The following TRPC7 variants were observed in gnomAD, a reference collection of about 807,000 sequenced individuals.
The protein encoded by TRPC7 is transient receptor potential cation channel subfamily C member 7, also known as short transient receptor potential channel 7.
Under a neutral mutation model 90.1 loss-of-function variants are expected in TRPC7, and 42 were observed. The observed-to-expected ratio is 0.47, with a 90% confidence interval of 0.36 to 0.60. TRPC7 has a LOEUF of 0.60. Ranked by LOEUF, TRPC7 falls within the 20% of genes least tolerant of loss-of-function variation. TRPC7 has a pLI of 0.00. For missense variants in TRPC7, 955 were observed against 1,112.3 expected (o/e 0.86, Z 2.01); for synonymous variants, 451 against 436.3 (o/e 1.03, Z -0.42).
rs542463530 is a variant in TRPC7 at position 136,330,731 on chromosome 5, G to C, written c.781-14952C>G. Among the ~76,000 whole-genome samples, 23 of 152,336 alleles carry C rather than the reference G, an allele frequency of 1.5e-4. No individual in the cohort carries two copies. The South Asian group carries it at 3.1e-3, about 21-fold the overall frequency. On this transcript the variant is annotated intron_variant, in intron 2 of 11. Coordinates refer to ENST00000513104, the MANE Select transcript of TRPC7 (RefSeq NM_020389.3). ...GCTCTGGGAGCTGAGTCCACCCCAC[G>C]CTAAGTCACCAGCAGGTGTGTGGCA...
intron 3 of TRPC7, among the ~76,000 whole-genome samples, chr5:136,287,025 T>G (rs1757741084): frequency 6.6e-6 from 1 of 152,180 alleles, no homozygotes; most frequent in African/African-American, 2.4e-5. Flanking sequence ...CACAAATCTG[T>G]TCTGTGTCTT....
intron 1 of TRPC7, among the ~76,000 whole-genome samples, chr5:136,364,496 G>T (rs935413024): frequency 6.6e-5 from 10 of 152,128 alleles, no homozygotes; most frequent in African/African-American, 1.9e-4. Flanking sequence ...CCACCAGCAG[G>T]TGGCATTCTG....
At position 136,241,520 on chromosome 5, in the gene TRPC7, T is replaced by TCA. The variant is rs532375409; in HGVS notation, c.1844+5949_1844+5950dup. Among the ~76,000 whole-genome samples the TCA allele has an allele frequency of 3.2e-3, 479 of 151,690 alleles. 6 individuals are homozygous for TCA. The highest frequency in any genetic ancestry group is 7.5e-3 in the South Asian group (36 of 4,812). On this transcript the variant is annotated intron_variant, in intron 7 of 11. Transcript: ENST00000513104. ...TCTCTGTGTAGCTGTCCCATCACAG[T>TCA]CACCAGCTAGGGTGTGAGAAAGGCA...
intron 2 of TRPC7, among the ~76,000 whole-genome samples, chr5:136,319,152 C>T (rs1474771843): frequency 6.6e-6 from 1 of 152,154 alleles, no homozygotes; most frequent in Non-Finnish European, 1.5e-5. Context: ...TTCCTCAGTC[C>T]TCTAATATCT....
chr5:136,331,891 A>G (rs187381164), intron 2 of TRPC7, among the ~76,000 whole-genome samples: 80 of 152,298 alleles, frequency 5.3e-4, no homozygotes, highest in Non-Finnish European at 1.0e-3. Flanking sequence ...AGATACAACC[A>G]TGAGCAGAAT....
chr5:136,285,159 TCG>T (rs1757670723), intron 3 of TRPC7, among the ~76,000 whole-genome samples: 1 of 152,006 alleles, frequency 6.6e-6, no homozygotes, highest in Non-Finnish European at 1.5e-5. Flanking sequence ...GTCTTGTGAG[TCG>T]TGCTAAGATG....
chr5:136,315,776 C>T lies in TRPC7; in HGVS notation c.784G>A (p.Asp262Asn). Reference protein sequence around the residue: ...LANIETEFKNDYRKLSMQCKD... With the variant: ...LANIETEFKNNYRKLSMQCKD... ...CATTGCATAGATAACTTCCTGTAAT[C>T]GTTCTAACAGAATAGAGAGAAATCA... The change falls in exon 3 of 12, where the codon GAT becomes AAT. Residue 262 changes from aspartate to asparagine, a missense_variant. Asp to Asn is a conservative substitution (Grantham distance 23, BLOSUM62 1). Transcript: ENST00000513104. The T allele has an allele frequency of 1.9e-6, 3 of 1,613,260 alleles. No individual in the cohort carries two copies. The highest frequency in any genetic ancestry group is 2.5e-6 in the Non-Finnish European group (3 of 1,179,408).
chr5:136,284,881 C>T (rs1052136512), intron 3 of TRPC7, among the ~76,000 whole-genome samples: 1 of 152,196 alleles, frequency 6.6e-6, no homozygotes, highest in Admixed American at 6.5e-5. Flanking sequence ...AATCTTGCCT[C>T]TGCCTGTGAC....
chr5:136,257,902 C>A (rs890321096), intron 5 of TRPC7, among the ~76,000 whole-genome samples: 3 of 152,164 alleles, frequency 2.0e-5, no homozygotes, highest in Non-Finnish European at 4.4e-5. Context: ...CTAGGAGAGT[C>A]ACAGGCTGTA....
intron 3 of TRPC7, among the ~76,000 whole-genome samples, chr5:136,294,460 C>A (rs1282355428): frequency 1.3e-5 from 2 of 151,920 alleles, no homozygotes; most frequent in Admixed American, 1.3e-4. Context: ...ACAAACAACC[C>A]CATCAAAAAG....
intron 7 of TRPC7, among the ~76,000 whole-genome samples, chr5:136,232,603 T>G (rs1755852217): frequency 6.6e-6 from 1 of 152,234 alleles, no homozygotes; most frequent in South Asian, 2.1e-4. Context: ...AGTCTCAGCT[T>G]TAACGACACT....
chr5:136,274,495 A>G (rs1757298652), intron 4 of TRPC7, among the ~76,000 whole-genome samples, 178 bp downstream of exon 4: 1 of 152,216 alleles, frequency 6.6e-6, no homozygotes, highest in South Asian at 2.1e-4. Context: ...AGATTTAAAA[A>G]AGCACGTCTT....
intron 4 of TRPC7, among the ~76,000 whole-genome samples, chr5:136,274,464 T>C (rs976720837): frequency 2.3e-4 from 35 of 151,566 alleles, no homozygotes; most frequent in South Asian, 4.2e-4. Flanking sequence ...TTATTGCTCC[T>C]CTCTCTCTTT....
intron 2 of TRPC7, among the ~76,000 whole-genome samples, chr5:136,321,344 G>C (rs1452391494): frequency 6.6e-6 from 1 of 152,124 alleles, no homozygotes; most frequent in Admixed American, 6.5e-5. Context: ...TAAGTGCACA[G>C]GTTTTGCAGT....
chr5:136,303,639 T>G (rs1758488701), intron 3 of TRPC7: 1 of 152,000 alleles, frequency 6.6e-6, no homozygotes, highest in African/African-American at 2.4e-5. Flanking sequence ...CCGGGATTCC[T>G]CCTAAGCCGT....
chr5:136,250,577 A>G (rs1346458653), intron 6 of TRPC7, among the ~76,000 whole-genome samples: 1 of 152,210 alleles, frequency 6.6e-6, no homozygotes, highest in African/African-American at 2.4e-5. Context: ...AATGACCCAA[A>G]AGGTAGTAGT....
Position 136,213,366 on chromosome 5 carries a change from G to A in TRPC7, c.*69C>T, listed in dbSNP as rs1755154856. ...TGGGCTGGGGACCCCTCCCCACCAAGGATGGGGGCGAGGGCATCCAACCTG... is the reference window on the plus strand; with the variant it reads ...TGGGCTGGGGACCCCTCCCCACCAAAGATGGGGGCGAGGGCATCCAACCTG... On this transcript the variant is annotated 3_prime_UTR_variant, in exon 12 of 12. Coordinates refer to ENST00000513104, the MANE Select transcript of TRPC7 (RefSeq NM_020389.3). The A allele has an allele frequency of 1.3e-6, 2 of 1,534,548 alleles. No individual in the cohort carries two copies. Among genetic ancestry groups the A allele is most frequent in the African/African-American group, 1.4e-5 (1 of 73,376 alleles).
Sources: allele counts gnomAD v4.1 joint callset (sites outside exome capture counted in the v4.1 genomes callset), GRCh38; gene constraint gnomAD v4.1.1; transcripts MANE v1.5; gene names NCBI Gene and HGNC (gene_info 2026-07-23, HGNC 2026-07-21).